Variants in MAGI3 observed in about 807,000 individuals in gnomAD.
The protein encoded by MAGI3 is membrane-associated guanylate kinase, WW and PDZ domain-containing protein 3.
Under a neutral mutation model 121.8 loss-of-function variants are expected in MAGI3, and 43 were observed. The ratio of observed to expected loss-of-function variants is 0.35; its 90% CI spans 0.28 to 0.46. The LOEUF is 0.46. MAGI3 is among the 20% of genes least tolerant of loss of function. The probability of loss-of-function intolerance (pLI) is 1.00; values close to 1 mark genes in which losing one functional copy is unlikely to be tolerated. For missense variants in MAGI3, 1,547 were observed against 1,797.3 expected, an observed-to-expected ratio of 0.86 and a Z score of 2.52; for synonymous variants, 553 against 639.3, an observed-to-expected ratio of 0.86 and a Z score of 2.04.
intron 1 of MAGI3, among the ~76,000 whole-genome samples, chr1:113,484,659 TCCCCTCCCC>T (rs1656270465): frequency 1.0e-4 from 1 of 9,830 alleles, no homozygotes; most frequent in African/African-American, 4.5e-4. Flanking sequence ...TCCCCTCCCC[TCCCCTCCCC>T]TCCCTTCCCA....
intron 2 of MAGI3, among the ~76,000 whole-genome samples, chr1:113,549,931 C>T (rs1297707340): frequency 7.4e-5 from 11 of 148,768 alleles, no homozygotes; most frequent in Non-Finnish European, 1.6e-4. Flanking sequence ...GCCTGGCCAA[C>T]ATTGTGAAAC....
intron 1 of MAGI3, among the ~76,000 whole-genome samples, chr1:113,434,415 CCA>C (rs1653459646): frequency 6.6e-6 from 1 of 151,840 alleles, no homozygotes; most frequent in Non-Finnish European, 1.5e-5. Context: ...ACCACCACCA[CCA>C]CACACACACA....
Position 113,639,049 on chromosome 1 carries a change from A to G in MAGI3, c.1361-2862A>G, listed in dbSNP as rs201606997. ...GGACCCTCCGAGCCAGGTGCGGCAT[A>G]TAATCTCCTGGTGCGCCGTTTTTTA... On this transcript the variant is annotated intron_variant, in intron 9 of 20. Transcript: ENST00000307546. Among the ~76,000 whole-genome samples the G allele has an allele frequency of 5.9e-5, 9 of 152,318 alleles. No homozygotes were observed. In the East Asian group the frequency reaches 1.7e-3, roughly 29 times the overall value.
intron 2 of MAGI3, 118 bp downstream of exon 2, chr1:113,549,749 C>A: frequency 3.8e-6 from 2 of 530,850 alleles, no homozygotes; most frequent in Non-Finnish European, 6.5e-6. Flanking sequence ...AAGTTGGGAA[C>A]AAGAATGAAA....
At chr1:113,558,792 A>G (rs143740235) in intron 2 of MAGI3, among the ~76,000 whole-genome samples, 6 of 152,334 alleles carry the variant, frequency 3.9e-5, no homozygotes, top group Non-Finnish European at 8.8e-5. Flanking sequence ...AATGAAAGAA[A>G]AAATGTTAAG....
At chr1:113,673,561 C>T (rs1017262111) in intron 19 of MAGI3, 96 bp downstream of exon 19, 98 of 1,327,184 alleles carry the variant, frequency 7.4e-5, no homozygotes, top group Middle Eastern at 2.7e-4. Flanking sequence ...CAGGAACCTC[C>T]TAAATCTAAA....
intron 1 of MAGI3, among the ~76,000 whole-genome samples, chr1:113,420,623 T>A (rs1455023178): frequency 6.6e-6 from 1 of 152,202 alleles, no homozygotes; most frequent in Admixed American, 6.5e-5. Context: ...TATTTAATCT[T>A]ACACTTTTCC....
chr1:113,585,054 G>A (rs1478073770), intron 3 of MAGI3, among the ~76,000 whole-genome samples: 2 of 138,336 alleles, frequency 1.4e-5, no homozygotes, highest in East Asian at 4.2e-4. Flanking sequence ...TGGAACCTCT[G>A]CCTCCTAGAT....
chr1:113,600,393 T>A (rs913683015), intron 6 of MAGI3, among the ~76,000 whole-genome samples: 8 of 151,438 alleles, frequency 5.3e-5, no homozygotes, highest in African/African-American at 1.7e-4. Flanking sequence ...ACAAAATCAA[T>A]GTACAAAAAT....
Position 113,547,295 on chromosome 1 carries a change from T to TA in MAGI3, c.317-2210dup, listed in dbSNP as rs35066015. On this transcript the variant is annotated intron_variant, in intron 1 of 20. Coordinates refer to ENST00000307546, the MANE Select transcript of MAGI3 (RefSeq NM_001142782.2). ...ATATCTGACAGTAAAGCTTCAAATTTAAAAAAAAAAGGAAATCGTGAGTTA... is the reference window on the plus strand; with the variant it reads ...ATATCTGACAGTAAAGCTTCAAATTTAAAAAAAAAAAGGAAATCGTGAGTTA... Among the ~76,000 whole-genome samples, 317 of 149,598 alleles carry TA rather than the reference T, an allele frequency of 2.1e-3. 2 individuals are homozygous for TA. Among genetic ancestry groups the TA allele is most frequent in the African/African-American group, 6.9e-3 (282 of 40,698 alleles).
chr1:113,436,306 CTATATA>C (rs1337791178), intron 1 of MAGI3, among the ~76,000 whole-genome samples: 2 of 151,298 alleles, frequency 1.3e-5, no homozygotes, highest in African/African-American at 2.4e-5. Context: ...CTCTCTCTCT[CTATATA>C]TATATTTTGT....
Position 113,594,680 on chromosome 1 carries a change from CAGTG to C in MAGI3, c.1018+121_1018+124del, listed in dbSNP as rs1292157011. 104 of 611,158 alleles carry C rather than the reference CAGTG, an allele frequency of 1.7e-4. No individual in the cohort carries two copies. In the East Asian group the frequency reaches 2.4e-3, roughly 14 times the overall value. 37.9% of individuals were successfully genotyped at this position (611,158 alleles called of 1,614,324 possible). A position where few individuals can be genotyped will look rare whatever the true frequency, so the allele number is the denominator to read the frequency against. ...ACCATAATGTACACAAGCAAAAAAG[CAGTG>C]GGTGGATATCATAATCAACTGATTG... is the stretch of plus-strand genomic sequence containing the variant. On this transcript the variant is annotated intron_variant, in intron 6 of 20. Transcript: ENST00000307546.
rs1055611682 is a variant in MAGI3 at position 113,417,123 on chromosome 1, A to G, written c.316+25774A>G. Among the ~76,000 whole-genome samples the G allele has an allele frequency of 3.3e-5, 5 of 151,872 alleles. No homozygotes were observed. The South Asian group carries it at 1.0e-3, about 32-fold the overall frequency. ...TAAAGTGTCAGATTTATTGAGTATA[A>G]TTTACATACAATAAAATTCATCTAT... On this transcript the variant is annotated intron_variant, in intron 1 of 20. Transcript: ENST00000307546.
chr1:113,417,974 T>A (rs1652540918), intron 1 of MAGI3, among the ~76,000 whole-genome samples: 1 of 152,184 alleles, frequency 6.6e-6, no homozygotes, highest in Non-Finnish European at 1.5e-5. Flanking sequence ...TTTCTTTCTT[T>A]ATAATATTTT....
chr1:113,470,624 C>G (rs1388356246), intron 1 of MAGI3, among the ~76,000 whole-genome samples: 2 of 152,112 alleles, frequency 1.3e-5, no homozygotes, highest in Admixed American at 1.3e-4. Flanking sequence ...ACCATGCTGT[C>G]CATTAGATTT....
intron 1 of MAGI3, among the ~76,000 whole-genome samples, chr1:113,483,465 A>G (rs1257904986): frequency 6.6e-6 from 1 of 152,156 alleles, no homozygotes; most frequent in African/African-American, 2.4e-5. Flanking sequence ...CTGGCTTGTG[A>G]GGGCACAGCA....
intron 1 of MAGI3, among the ~76,000 whole-genome samples, chr1:113,493,810 A>G (rs1285753516): frequency 6.6e-6 from 1 of 152,194 alleles, no homozygotes; most frequent in Non-Finnish European, 1.5e-5. Context: ...AATCAAAACC[A>G]CAGTGAGATA....
intron 3 of MAGI3, among the ~76,000 whole-genome samples, chr1:113,584,899 GCT>G (rs1420401509): frequency 2.0e-5 from 3 of 150,640 alleles, no homozygotes; most frequent in African/African-American, 7.3e-5. Flanking sequence ...CCCTATTTCT[GCT>G]CTCTCTTCTC....
chr1:113,545,191 G>C (rs1289088354), intron 1 of MAGI3, among the ~76,000 whole-genome samples: 10 of 151,872 alleles, frequency 6.6e-5, no homozygotes, highest in Non-Finnish European at 1.5e-4. Context: ...AAAAACCCAA[G>C]ACCAATTCCC....
Sources: allele counts gnomAD v4.1 joint callset (sites outside exome capture counted in the v4.1 genomes callset), GRCh38; gene constraint gnomAD v4.1.1; transcripts MANE v1.5; gene names NCBI Gene and HGNC (gene_info 2026-07-23, HGNC 2026-07-21).